The following RBMS2 variants were observed in gnomAD, a reference collection of about 807,000 sequenced individuals.
RBMS2 encodes the protein RNA-binding motif, single-stranded-interacting protein 2.
A neutral mutation model predicts 58.4 loss-of-function variants in RBMS2; 38 were observed. That is an observed-to-expected ratio of 0.65 (90% confidence interval 0.50 to 0.85). The LOEUF (loss-of-function observed/expected upper bound fraction) is 0.85. Ranked by LOEUF, RBMS2 falls within the 40% of genes least tolerant of loss-of-function variation. The pLI is 0.00. For missense variants in RBMS2, 367 were observed against 503.7 expected (o/e 0.73, Z 2.60); for synonymous variants, 151 against 180.7 (o/e 0.84, Z 1.32).
intron 1 of RBMS2, among the ~76,000 whole-genome samples, chr12:56,560,410 C>T (rs1362520632): frequency 6.6e-6 from 1 of 151,920 alleles, no homozygotes; most frequent in East Asian, 1.9e-4. Context: ...GTGCATGCCA[C>T]CACACCTGGC....
rs552597478 is a variant in RBMS2, at chr12:56,560,184, C to T, written c.67-2233C>T. Among the ~76,000 whole-genome samples, 176 of 148,126 alleles carry T rather than the reference C, an allele frequency of 1.2e-3. 1 individual carries two copies. Among genetic ancestry groups the T allele is most frequent in the African/African-American group, 4.0e-3 (161 of 40,266 alleles). ...TGCTGGGATTACAGGTGTGAGCCACCGTACCCGGCCATAGGTCATAGTCTT... is the reference window on the plus strand; with the variant it reads ...TGCTGGGATTACAGGTGTGAGCCACTGTACCCGGCCATAGGTCATAGTCTT... On this transcript the variant is annotated intron_variant, in intron 1 of 13. Transcript: ENST00000262031.
At chr12:56,520,414 G>A (rs1871626781), upstream of RBMS2, among the ~76,000 whole-genome samples, 1 of 152,102 alleles carries the variant, frequency 6.6e-6, no homozygotes, top group Non-Finnish European at 1.5e-5. Flanking sequence ...GGAGGGTTTG[G>A]GCTTAATATT....
chr12:56,577,579 A>G (rs769618071), intron 5 of RBMS2, among the ~76,000 whole-genome samples: 1 of 151,364 alleles, frequency 6.6e-6, no homozygotes, highest in Non-Finnish European at 1.5e-5. Context: ...GGCTCAAGTG[A>G]TCCTTACACC....
At chr12:56,587,854 G>C (rs1483344584) in intron 11 of RBMS2, 190 bp downstream of exon 11, 1 of 463,860 alleles carries the variant, frequency 2.2e-6, no homozygotes, top group Non-Finnish European at 2.8e-6. Context: ...CTGCTCCCCA[G>C]CCCACCCCTT....
At chr12:56,568,933 T>A (rs925178563) in intron 2 of RBMS2, 42 bp from the exon 3 acceptor site, 1 of 1,508,136 alleles carries the variant, frequency 6.6e-7, no homozygotes, top group Admixed American at 1.7e-5. Context: ...ATTCTTAGTC[T>A]CTGCCCCCCA....
intron 2 of RBMS2, among the ~76,000 whole-genome samples, chr12:56,565,200 A>G (rs949040015): frequency 3.9e-5 from 6 of 152,184 alleles, no homozygotes; most frequent in African/African-American, 1.4e-4. Context: ...GTATATGTTC[A>G]GTACAGATGC....
chr12:56,545,713 T>A (rs913137162), intron 1 of RBMS2, among the ~76,000 whole-genome samples: 3 of 152,216 alleles, frequency 2.0e-5, no homozygotes, highest in African/African-American at 7.2e-5. Context: ...TCTGTCTCTT[T>A]GCATAATGTT....
intron 5 of RBMS2, among the ~76,000 whole-genome samples, chr12:56,574,576 C>T (rs1280483536): frequency 6.6e-6 from 1 of 152,200 alleles, no homozygotes. Flanking sequence ...AAATAACCCT[C>T]GTTGTGACCC....
At chr12:56,560,897 T>C (rs1275077064) in intron 1 of RBMS2, among the ~76,000 whole-genome samples, 1 of 152,182 alleles carries the variant, frequency 6.6e-6, no homozygotes, top group Non-Finnish European at 1.5e-5. Flanking sequence ...TTATTTTTCC[T>C]GTTCCTCTCC....
intron 5 of RBMS2, among the ~76,000 whole-genome samples, chr12:56,572,110 G>A (rs567871404): frequency 4.6e-5 from 7 of 152,042 alleles, no homozygotes; most frequent in Admixed American, 1.3e-4. Flanking sequence ...CAAACATGGT[G>A]AAACCCCGTC....
At chr12:56,588,634 A>G in intron 12 of RBMS2, 1 of 586,856 alleles carries the variant, frequency 1.7e-6, no homozygotes, top group East Asian at 2.8e-5. Context: ...AAAAAACAAC[A>G]GCAGATGTAG....
intron 9 of RBMS2, among the ~76,000 whole-genome samples, chr12:56,584,264 C>T (rs568146024): frequency 6.6e-6 from 1 of 151,756 alleles, no homozygotes; most frequent in East Asian, 1.9e-4. Context: ...AAACCCCTGT[C>T]CCTACAAAAA....
At chr12:56,573,775 G>T (rs1882722331) in intron 5 of RBMS2, among the ~76,000 whole-genome samples, 1 of 150,182 alleles carries the variant, frequency 6.7e-6, no homozygotes, top group Admixed American at 6.6e-5. Context: ...TTTTGAGACG[G>T]AGTCTCGCTC....
intron 1 of RBMS2, among the ~76,000 whole-genome samples, chr12:56,530,629 G>A (rs1873563910): frequency 6.6e-6 from 1 of 152,010 alleles, no homozygotes; most frequent in Admixed American, 6.6e-5. Context: ...TAAAGTGCTG[G>A]GATTTCAGGC....
intron 1 of RBMS2, among the ~76,000 whole-genome samples, chr12:56,556,522 C>T (rs4313612): frequency 0.94 from 142,542 of 151,880 alleles, 67,378 homozygotes; most frequent in East Asian, 1. Flanking sequence ...ATTATAAGCA[C>T]GCACCACCAC....
At chr12:56,570,030 G>A (rs760401861) in intron 4 of RBMS2, 40 bp downstream of exon 4, 1 of 1,548,764 alleles carries the variant, frequency 6.5e-7, no homozygotes, top group Non-Finnish European at 8.9e-7. Flanking sequence ...CAAGGGGTTT[G>A]TGGTTAGCAC....
At position 56,586,484 on chromosome 12, in the gene RBMS2, G is replaced by C. The variant is rs185462656; in HGVS notation, c.874-365G>C. ...TGAAGTGGTATCCCATTGTGGTTTT[G>C]ATTTGCATTTGAACCTCTTTCATGT... On this transcript the variant is annotated intron_variant, in intron 9 of 13. Coordinates refer to ENST00000262031, the MANE Select transcript of RBMS2 (RefSeq NM_002898.4). Among the ~76,000 whole-genome samples the C allele has an allele frequency of 2.6e-5, 4 of 152,078 alleles. No homozygotes were observed. The East Asian group carries it at 5.8e-4, about 22-fold the overall frequency.
At chr12:56,565,734 G>T (rs145930769) in intron 2 of RBMS2, among the ~76,000 whole-genome samples, 184 of 152,184 alleles carry the variant, frequency 1.2e-3, no homozygotes, top group Middle Eastern at 3.4e-3. Flanking sequence ...ATGCGTAGAC[G>T]GACTTCCTGC....
chr12:56,539,461 T>G (rs1875662614), intron 1 of RBMS2, among the ~76,000 whole-genome samples: 1 of 152,194 alleles, frequency 6.6e-6, no homozygotes, highest in African/African-American at 2.4e-5. Flanking sequence ...ACCTTCTGTG[T>G]ATAAGTTGTG....
Sources: gnomAD v4.1 joint callset for allele counts (sites outside exome capture counted in the v4.1 genomes callset) on GRCh38, gnomAD v4.1.1 for gene constraint, MANE v1.5 for transcripts, NCBI Gene and HGNC (gene_info 2026-07-23, HGNC 2026-07-21) for gene names.